The following CCDC92 variants were observed in gnomAD, a reference collection of about 807,000 sequenced individuals.
The protein encoded by CCDC92 is coiled-coil domain containing 92, also known as coiled-coil domain-containing protein 92.
Under a neutral mutation model 24.9 loss-of-function variants are expected in CCDC92, and 12 were observed. The observed-to-expected ratio is 0.48, with a 90% CI of 0.31 to 0.78. The LOEUF is 0.78. CCDC92 is among the 30% of genes least tolerant of loss of function. CCDC92 has a pLI of 0.05. For missense variants in CCDC92, 399 were observed against 439.4 expected (o/e 0.91, Z 0.82); for synonymous variants, 193 against 196.3 (o/e 0.98, Z 0.14).
chr12:123,945,173 A>G (rs1955807938), intron 1 of CCDC92: 2 of 152,238 alleles, frequency 1.3e-5, no homozygotes, highest in African/African-American at 4.8e-5. Flanking sequence ...AAAACAAAGC[A>G]TAGCTCTCCC....
chr12:123,961,174 ACT>A (rs1956263755), intron 1 of CCDC92: 2 of 152,270 alleles, frequency 1.3e-5, no homozygotes. Context: ...CCATCCTAGC[ACT>A]GGCAGCTCTT....
At chr12:123,947,061 G>A (rs1185889141) in intron 1 of CCDC92, among the ~76,000 whole-genome samples, 1 of 152,172 alleles carries the variant, frequency 6.6e-6, no homozygotes, top group Non-Finnish European at 1.5e-5. Flanking sequence ...GGCCGGCCCT[G>A]CCAGCCCTGC....
chr12:123,946,027 G>GATGATCTTGCTGGCCTCCTC (rs1566155550), intron 1 of CCDC92: 1 of 20,986 alleles, frequency 4.8e-5, no homozygotes, highest in Non-Finnish European at 1.0e-4. Flanking sequence ...CTGGCATCCT[G>GATGATCTTGCTGGCCTCCTC]CTTTGAAAGC....
In CCDC92 at chr12:123,936,992, G is replaced by T; in HGVS notation, c.*66C>A. ...GCATGCATGGGATTAAACAGAAAAG[G>T]TGTGGCTGAGATTTCCCAGTGGTGC... On this transcript the variant is annotated 3_prime_UTR_variant, in exon 5 of 5. Transcript: ENST00000238156. 3 of 1,563,530 alleles carry T rather than the reference G, an allele frequency of 1.9e-6. No individual in the cohort carries two copies. Among genetic ancestry groups the T allele is most frequent in the Non-Finnish European group, 2.6e-6 (3 of 1,143,084 alleles).
intron 4 of CCDC92, among the ~76,000 whole-genome samples, chr12:123,938,827 T>G (rs112281671): frequency 0.013 from 2,045 of 152,186 alleles, 20 homozygotes; most frequent in Middle Eastern, 0.027. Context: ...GGAAACTGGA[T>G]GCAGTCGCCA....
At chr12:123,955,561 G>A (rs1233787631) in intron 1 of CCDC92, among the ~76,000 whole-genome samples, 1 of 152,180 alleles carries the variant, frequency 6.6e-6, no homozygotes, top group East Asian at 1.9e-4. Context: ...TTAACTGATA[G>A]GCCTTCTTTT....
At chr12:123,949,610 G>A (rs1375886390) in intron 1 of CCDC92, among the ~76,000 whole-genome samples, 1 of 152,226 alleles carries the variant, frequency 6.6e-6, no homozygotes, top group Non-Finnish European at 1.5e-5. Flanking sequence ...CTGCTGAATA[G>A]GTTACCTTGA....
At chr12:123,944,493 C>T (rs147742521) in intron 1 of CCDC92, 129 bp from the exon 2 acceptor site, 24 of 537,708 alleles carry the variant, frequency 4.5e-5, no homozygotes, top group Non-Finnish European at 6.9e-5. Flanking sequence ...CAATGGCTCC[C>T]AGGACGCAGC....
At chr12:123,952,423 C>A (rs1956049476) in intron 1 of CCDC92, among the ~76,000 whole-genome samples, 1 of 152,206 alleles carries the variant, frequency 6.6e-6, no homozygotes, top group Non-Finnish European at 1.5e-5. Context: ...GACAGGAAAG[C>A]CTGCTTCTCC....
chr12:123,961,167 T>G (rs551726552), intron 1 of CCDC92: 2 of 152,240 alleles, frequency 1.3e-5, no homozygotes. Flanking sequence ...GGGCTGCCCA[T>G]CCTAGCACTG....
rs564022952 is a variant in CCDC92, at chr12:123,936,027, A to G, written c.*1031T>C. ...GTTGAGCTTAGTGTTTAGTTCCTGC[A>G]TGAGCTTCTACCCCCAGCCTGCCTG... On this transcript the variant is annotated 3_prime_UTR_variant, in exon 5 of 5. Coordinates refer to ENST00000238156, the MANE Select transcript of CCDC92 (RefSeq NM_025140.3). The G allele has an allele frequency of 6.5e-6, 1 of 153,032 alleles. No homozygotes were observed. The highest frequency in any genetic ancestry group is 2.4e-5 in the African/African-American group (1 of 41,580). 9.5% of individuals were successfully genotyped at this position (153,032 alleles called of 1,614,324 possible).
chr12:123,948,442 A>C (rs1389869282), intron 1 of CCDC92, among the ~76,000 whole-genome samples: 1 of 152,254 alleles, frequency 6.6e-6, no homozygotes, highest in East Asian at 1.9e-4. Context: ...GCAGAAATAC[A>C]AAAGCGTCCT....
At chr12:123,969,402 TAAAC>T (rs936181417) in intron 1 of CCDC92, among the ~76,000 whole-genome samples, 13 of 149,352 alleles carry the variant, frequency 8.7e-5, no homozygotes, top group Admixed American at 2.7e-4. Flanking sequence ...AGTAATGAAA[TAAAC>T]AAACTAAAAT....
At chr12:123,965,281 A>G (rs962925465) in intron 1 of CCDC92, among the ~76,000 whole-genome samples, 9 of 152,214 alleles carry the variant, frequency 5.9e-5, no homozygotes, top group Non-Finnish European at 1.2e-4. Context: ...TGTATAACTG[A>G]GGAGACAAGA....
In CCDC92 at chr12:123,962,378, C is replaced by T. The variant is rs7299934; in HGVS notation, c.-60+10151G>A. The stretch of plus-strand genomic sequence containing the variant: ...GATTGTTGCTGAATCCTTTAAAATA[C>T]AGCTTTGAACTTCTAAATGTTTGCT... On this transcript the variant is annotated intron_variant, in intron 1 of 4. Transcript: ENST00000238156. 4.4e-3 allele frequency among the ~76,000 whole-genome samples: 663 copies of T among 152,316 alleles called. 7 individuals carry two copies. The highest frequency in any genetic ancestry group is 0.014 in the African/African-American group (588 of 41,566).
chr12:123,967,621 T>C (rs989522531), intron 1 of CCDC92, among the ~76,000 whole-genome samples: 4 of 152,198 alleles, frequency 2.6e-5, no homozygotes, highest in Admixed American at 6.5e-5. Flanking sequence ...GAGCCTAAGA[T>C]AATTATGCTA....
intron 1 of CCDC92, among the ~76,000 whole-genome samples, chr12:123,951,167 C>A (rs1331016688): frequency 6.6e-6 from 1 of 152,212 alleles, no homozygotes; most frequent in Non-Finnish European, 1.5e-5. Flanking sequence ...TGCTGCAGAT[C>A]ATTTCCTACC....
chr12:123,951,277 A>C (rs1956018364), intron 1 of CCDC92, among the ~76,000 whole-genome samples: 1 of 152,138 alleles, frequency 6.6e-6, no homozygotes, highest in African/African-American at 2.4e-5. Flanking sequence ...TCACCCCATC[A>C]TTTCTCAATA....
In CCDC92 at chr12:123,952,326, T is replaced by C. The variant is rs11838170; in HGVS notation, c.-59-7962A>G. Among the ~76,000 whole-genome samples, 794 of 152,320 alleles carry C rather than the reference T, an allele frequency of 5.2e-3. 8 individuals are homozygous for C. Among genetic ancestry groups the C allele is most frequent in the African/African-American group, 0.018 (754 of 41,560 alleles). ...AAGGATAAAAGCAAATAGAAGCATT[T>C]TCTGGGACCTCTATCCTCCATTTTC... On this transcript the variant is annotated intron_variant, in intron 1 of 4. Coordinates refer to ENST00000238156, the MANE Select transcript of CCDC92 (RefSeq NM_025140.3).
Sources: gnomAD v4.1 joint callset for allele counts (sites outside exome capture counted in the v4.1 genomes callset) on GRCh38, gnomAD v4.1.1 for gene constraint, MANE v1.5 for transcripts, NCBI Gene and HGNC (gene_info 2026-07-23, HGNC 2026-07-21) for gene names.